Variants in RANBP2 observed in about 807,000 individuals in gnomAD.
RANBP2 encodes E3 SUMO-protein ligase RanBP2.
RANBP2 carries 57 observed loss-of-function variants against 303.6 expected under a neutral mutation model. The observed-to-expected ratio is 0.19, with a 90% confidence interval of 0.15 to 0.23. The LOEUF (loss-of-function observed/expected upper bound fraction) is 0.23, where lower values mean the gene tolerates loss of function less well. Ranked by LOEUF, RANBP2 falls within the 10% of genes least tolerant of loss-of-function variation. The pLI is 1.00. For missense variants in RANBP2, 3,138 were observed against 3,780.8 expected (o/e 0.83, Z 4.46); for synonymous variants, 1,167 against 1,301.5 (o/e 0.90, Z 2.23).
At chr2:109,577,130 T>C in the RANBP2 span, among the ~76,000 whole-genome samples, 3 of 152,144 alleles carry the variant, frequency 2.0e-5, no homozygotes, top group South Asian at 6.2e-4. Flanking sequence ...ATAGCAAAGA[T>C]AGAAGCCAGG....
the RANBP2 span, among the ~76,000 whole-genome samples, chr2:109,185,524 G>A: frequency 6.6e-6 from 1 of 152,182 alleles, no homozygotes; most frequent in African/African-American, 2.4e-5. Context: ...GACATCACAG[G>A]GCATCAAAGG....
At chr2:109,133,005 C>T in the RANBP2 span, among the ~76,000 whole-genome samples, 1 of 152,186 alleles carries the variant, frequency 6.6e-6, no homozygotes, top group Non-Finnish European at 1.5e-5. Context: ...TACAGAACAT[C>T]TTCTGCAGTT....
At chr2:108,733,154 C>G (rs1695309696) in intron 4 of RANBP2, among the ~76,000 whole-genome samples, 1 of 151,606 alleles carries the variant, frequency 6.6e-6, no homozygotes, top group African/African-American at 2.4e-5. Flanking sequence ...TTGGCTTCTT[C>G]AGTCACCATA....
the RANBP2 span, chr2:109,616,835 A>G: frequency 6.0e-6 from 1 of 167,052 alleles, no homozygotes. Context: ...TAAAGAGAAC[A>G]CTTAGCAGCC....
At chr2:108,975,666 G>T in the RANBP2 span, among the ~76,000 whole-genome samples, 40 of 152,254 alleles carry the variant, frequency 2.6e-4, no homozygotes, top group Middle Eastern at 3.4e-3. Context: ...TGCGGTCTGG[G>T]AGCTAAGGAG....
At chr2:109,706,887 T>C in the RANBP2 span, among the ~76,000 whole-genome samples, 1 of 152,158 alleles carries the variant, frequency 6.6e-6, no homozygotes, top group Non-Finnish European at 1.5e-5. Flanking sequence ...TGGCCCTGCA[T>C]TGATGCGAGT....
At chr2:109,276,416 G>T in the RANBP2 span, among the ~76,000 whole-genome samples, 1 of 152,196 alleles carries the variant, frequency 6.6e-6, no homozygotes, top group Non-Finnish European at 1.5e-5. Flanking sequence ...TGTCAGTCCA[G>T]GCCCGTCTGA....
the RANBP2 span, among the ~76,000 whole-genome samples, chr2:109,523,649 G>T: frequency 6.6e-6 from 1 of 152,112 alleles, no homozygotes; most frequent in Non-Finnish European, 1.5e-5. Flanking sequence ...CACATGAGCC[G>T]CTGAGAAGCA....
the RANBP2 span, among the ~76,000 whole-genome samples, chr2:109,296,697 A>T: frequency 6.6e-6 from 1 of 152,110 alleles, no homozygotes; most frequent in South Asian, 2.1e-4. Context: ...TGTCATGGGC[A>T]GCAGAGATTC....
At chr2:109,705,727 C>T in the RANBP2 span, among the ~76,000 whole-genome samples, 9 of 152,346 alleles carry the variant, frequency 5.9e-5, no homozygotes, top group East Asian at 1.7e-3. Flanking sequence ...GTGCAGTGAA[C>T]TCCAAAATAC....
the RANBP2 span, among the ~76,000 whole-genome samples, chr2:109,509,533 T>A: frequency 1.3e-5 from 2 of 152,132 alleles, no homozygotes; most frequent in Non-Finnish European, 2.9e-5. Flanking sequence ...TCTCTGTGCG[T>A]CTGTATCCAG....
chr2:109,100,366 A>G, the RANBP2 span, among the ~76,000 whole-genome samples: 1 of 152,310 alleles, frequency 6.6e-6, no homozygotes, highest in Non-Finnish European at 1.5e-5. Context: ...CTAGGTTGCA[A>G]TCTCCTTATA....
the RANBP2 span, among the ~76,000 whole-genome samples, chr2:109,675,196 GC>G: frequency 6.6e-6 from 1 of 152,072 alleles, no homozygotes; most frequent in African/African-American, 2.4e-5. Flanking sequence ...TTTTTAAAGG[GC>G]CCTGGGTGCT....
chr2:109,030,738 G>A, the RANBP2 span, among the ~76,000 whole-genome samples: 1 of 152,082 alleles, frequency 6.6e-6, no homozygotes, highest in South Asian at 2.1e-4. Context: ...TCTGTCTCTT[G>A]ACAGTTTTTG....
chr2:109,552,901 C>A, the RANBP2 span: 2 of 654,204 alleles, frequency 3.1e-6, no homozygotes, highest in Non-Finnish European at 4.9e-6. Flanking sequence ...AAAAGAAGGC[C>A]AAAGTTTTCA....
the RANBP2 span, among the ~76,000 whole-genome samples, chr2:108,843,876 G>GTGTT: frequency 1.7e-3 from 24 of 13,836 alleles, no homozygotes; most frequent in African/African-American, 2.1e-3. Context: ...GTGTGTGTGT[G>GTGTT]TGTTTCTTTC....
At chr2:109,706,643 T>G in the RANBP2 span, among the ~76,000 whole-genome samples, 1 of 152,224 alleles carries the variant, frequency 6.6e-6, no homozygotes, top group Non-Finnish European at 1.5e-5. Flanking sequence ...CTTCTTTGAC[T>G]TATGAAGACA....
chr2:109,399,530 CT>C, the RANBP2 span, among the ~76,000 whole-genome samples: 2 of 151,660 alleles, frequency 1.3e-5, no homozygotes, highest in Non-Finnish European at 2.9e-5. Flanking sequence ...AATCCTGGGG[CT>C]TTGGGAGGCC....
chr2:109,122,205 A>G, the RANBP2 span, among the ~76,000 whole-genome samples: 3 of 152,290 alleles, frequency 2.0e-5, no homozygotes, highest in South Asian at 6.2e-4. Context: ...TATTTTCCAC[A>G]CGGCTGTGGT....
Sources: gnomAD v4.1 joint callset for allele counts (sites outside exome capture counted in the v4.1 genomes callset) on GRCh38, gnomAD v4.1.1 for gene constraint, MANE v1.5 for transcripts, NCBI Gene and HGNC (gene_info 2026-07-23, HGNC 2026-07-21) for gene names.